Variants in ZNF800 observed in about 807,000 individuals in gnomAD.
ZNF800 encodes zinc finger protein 800.
A neutral mutation model predicts 59.5 loss-of-function variants in ZNF800; 13 were observed. The ratio of observed to expected loss-of-function variants is 0.22; its 90% CI spans 0.14 to 0.35. The LOEUF (loss-of-function observed/expected upper bound fraction) is 0.35. Ranked by LOEUF, ZNF800 falls within the 10% of genes least tolerant of loss-of-function variation. ZNF800 has a pLI of 1.00. For missense variants in ZNF800, 621 were observed against 783.7 expected, an observed-to-expected ratio of 0.79 and a Z score of 2.48; for synonymous variants, 266 against 265.7, an observed-to-expected ratio of 1.00 and a Z score of -0.01.
chr7:127,350,801 T>A (rs1800154728), intron 1 of ZNF800, among the ~76,000 whole-genome samples: 1 of 152,174 alleles, frequency 6.6e-6, no homozygotes, highest in Admixed American at 6.5e-5. Context: ...CGTGCAGCAA[T>A]CCTTTCCTCA....
intron 4 of ZNF800, among the ~76,000 whole-genome samples, chr7:127,376,105 G>A (rs1484248851): frequency 6.6e-6 from 1 of 151,790 alleles, no homozygotes; most frequent in African/African-American, 2.4e-5. Context: ...TCTCTAGACT[G>A]CTTTTTAATT....
chr7:127,354,482 A>AG (rs1448130572), intron 1 of ZNF800, among the ~76,000 whole-genome samples: 1 of 152,012 alleles, frequency 6.6e-6, no homozygotes, highest in African/African-American at 2.4e-5. Flanking sequence ...TGTTAAGTAA[A>AG]AAAAAGCAAG....
chr7:127,373,332 TG>T lies in ZNF800; in HGVS notation c.1994+9del. On this transcript the variant is annotated intron_variant, in intron 5 of 5. Coordinates refer to ENST00000265827, the MANE Select transcript of ZNF800 (RefSeq NM_176814.5). ...GGGAAAAAAGCAAAACTCTGTTAAC[TG>T]TTCCTCACCAGACAAGAGCCTTAGA... is the stretch of plus-strand genomic sequence containing the variant. 6.4e-7 allele frequency: 1 copy of T among 1,557,276 alleles called. No individual in the cohort carries two copies. Among genetic ancestry groups the T allele is most frequent in the South Asian group, 1.2e-5 (1 of 82,644 alleles).
At chr7:127,378,866 T>A (rs144619816) in intron 3 of ZNF800, among the ~76,000 whole-genome samples, 10 of 152,204 alleles carry the variant, frequency 6.6e-5, no homozygotes, top group African/African-American at 2.4e-4. Context: ...TGTGTGACCT[T>A]AAAAAGCTTT....
At chr7:127,387,864 A>G (rs1489169650) in intron 2 of ZNF800, among the ~76,000 whole-genome samples, 2 of 151,972 alleles carry the variant, frequency 1.3e-5, no homozygotes, top group African/African-American at 4.8e-5. Context: ...GACTCAAAAT[A>G]AATAAACAAA....
chr7:127,369,779 T>C (rs1427808832), downstream of ZNF800, among the ~76,000 whole-genome samples: 1 of 152,008 alleles, frequency 6.6e-6, no homozygotes, highest in African/African-American at 2.4e-5. Flanking sequence ...ACACTGTGAA[T>C]GGTCCTGTAG....
At chr7:127,344,037 A>G (rs963883391), downstream of ZNF800, among the ~76,000 whole-genome samples, 4 of 152,166 alleles carry the variant, frequency 2.6e-5, no homozygotes, top group African/African-American at 7.2e-5. Context: ...ATTTAATGGC[A>G]TACCTAACAA....
chr7:127,373,222 T>G, intron 5 of ZNF800, 120 bp downstream of exon 5: 1 of 1,481,820 alleles, frequency 6.7e-7, no homozygotes. Flanking sequence ...CAGTTCCCAT[T>G]GCCATGAGAT....
chr7:127,379,832 T>TTCCCCCCCC (rs1800903206), intron 3 of ZNF800, among the ~76,000 whole-genome samples: 1 of 54,388 alleles, frequency 1.8e-5, no homozygotes, highest in African/African-American at 7.4e-5. Context: ...CCCTTACCCT[T>TTCCCCCCCC]GCCACCCCCC....
chr7:127,385,376 G>A (rs1425184261), intron 3 of ZNF800, among the ~76,000 whole-genome samples: 2 of 152,166 alleles, frequency 1.3e-5, no homozygotes, highest in African/African-American at 4.8e-5. Flanking sequence ...ACATCTTACT[G>A]ATAACATAGG....
exon 2 of ZNF800, chr7:127,347,086 C>G (rs1445140607): frequency 6.6e-6 from 1 of 152,410 alleles, no homozygotes; most frequent in Non-Finnish European, 1.5e-5. Flanking sequence ...GTCACTTCCG[C>G]TCCGTGGAGC....
chr7:127,392,442 G>A lies in ZNF800; in HGVS notation c.-441C>T, dbSNP rs1032274732. 2.7e-6 allele frequency: 1 copy of A among 373,414 alleles called. No individual in the cohort carries two copies. The highest frequency in any genetic ancestry group is 4.8e-6 in the Non-Finnish European group (1 of 210,186). The allele number at this position is 373,414 out of a possible 1,614,324, so 23.1% of individuals were successfully genotyped here. A position where few individuals can be genotyped will look rare whatever the true frequency, so the allele number is the denominator to read the frequency against. On this transcript the variant is annotated 5_prime_UTR_variant, in exon 1 of 6. Coordinates refer to ENST00000265827, the MANE Select transcript of ZNF800 (RefSeq NM_176814.5). Reference sequence around the variant, plus strand: ...GCAGGACCTGAGGCTTCCCTCGCCGGGGCAACGGCTGCCGCCGCAACCCGG... The same window carrying A: ...GCAGGACCTGAGGCTTCCCTCGCCGAGGCAACGGCTGCCGCCGCAACCCGG...
chr7:127,378,909 A>G (rs1199608698), intron 3 of ZNF800, among the ~76,000 whole-genome samples: 4 of 152,008 alleles, frequency 2.6e-5, no homozygotes, highest in Non-Finnish European at 5.9e-5. Flanking sequence ...CTCATGTTGT[A>G]AAATAGAACA....
At chr7:127,381,929 GAAA>G (rs201771166) in intron 3 of ZNF800, among the ~76,000 whole-genome samples, 1 of 143,470 alleles carries the variant, frequency 7.0e-6, no homozygotes, top group African/African-American at 2.6e-5. Flanking sequence ...GTTTTAAGGA[GAAA>G]AAAAAAAGCC....
chr7:127,363,232 A>G (rs1800432199), intron 1 of ZNF800: 1 of 152,112 alleles, frequency 6.6e-6, no homozygotes, highest in African/African-American at 2.4e-5. Flanking sequence ...TTTGAAAACA[A>G]ATGGTCTTAT....
intron 1 of ZNF800, among the ~76,000 whole-genome samples, chr7:127,356,634 G>A (rs1587423867): frequency 6.6e-6 from 1 of 151,924 alleles, no homozygotes; most frequent in South Asian, 2.1e-4. Flanking sequence ...TAATATAATT[G>A]TGTGTTACAG....
chr7:127,375,218 T>C (rs1299440655), intron 4 of ZNF800, among the ~76,000 whole-genome samples, 184 bp from the exon 5 acceptor site: 1 of 152,136 alleles, frequency 6.6e-6, no homozygotes, highest in Non-Finnish European at 1.5e-5. Context: ...TAAAATTTCC[T>C]TTAAATTCTC....
At chr7:127,381,857 T>C (rs1396140313) in intron 3 of ZNF800, among the ~76,000 whole-genome samples, 1 of 152,080 alleles carries the variant, frequency 6.6e-6, no homozygotes, top group Admixed American at 6.6e-5. Flanking sequence ...ACGCTTTGCC[T>C]TCAGAATCAG....
downstream of ZNF800, chr7:127,346,773 G>A (rs1451756262): frequency 2.6e-5 from 4 of 152,456 alleles, no homozygotes; most frequent in Non-Finnish European, 5.9e-5. Flanking sequence ...TAAACAGAAG[G>A]AAGCAGGAGC....
Sources: allele counts gnomAD v4.1 joint callset (sites outside exome capture counted in the v4.1 genomes callset), GRCh38; gene constraint gnomAD v4.1.1; transcripts MANE v1.5; gene names NCBI Gene and HGNC (gene_info 2026-07-23, HGNC 2026-07-21).